Variants in LPP observed in about 807,000 individuals in gnomAD.
The protein encoded by LPP is lipoma-preferred partner.
LPP carries 38 observed loss-of-function variants against 60.4 expected under a neutral mutation model. That is an observed-to-expected ratio of 0.63 (90% CI 0.49 to 0.83). The LOEUF (loss-of-function observed/expected upper bound fraction) is 0.83, where lower values mean the gene tolerates loss of function less well. Ranked by LOEUF, LPP falls within the 40% of genes least tolerant of loss-of-function variation. The probability of loss-of-function intolerance (pLI) is 0.00; values close to 1 mark genes in which losing one functional copy is unlikely to be tolerated. For synonymous variants in LPP, 328 were observed against 290.8 expected (o/e 1.13, Z -1.30); for missense variants, 902 against 783.6 (o/e 1.15, Z -1.80).
chr3:188,367,677 GA>G (rs1200508381), intron 3 of LPP, among the ~76,000 whole-genome samples: 2 of 152,152 alleles, frequency 1.3e-5, no homozygotes, highest in African/African-American at 4.8e-5. Context: ...TGTGCTCCAT[GA>G]AATACTAGAT....
chr3:188,206,489 A>G (rs1733258506), intron 1 of LPP, among the ~76,000 whole-genome samples: 1 of 152,212 alleles, frequency 6.6e-6, no homozygotes, highest in African/African-American at 2.4e-5. Context: ...ATAACTCTTG[A>G]GTGTTCACTG....
intron 1 of LPP, among the ~76,000 whole-genome samples, chr3:188,199,860 G>A (rs1278009021): frequency 6.6e-6 from 1 of 151,290 alleles, no homozygotes; most frequent in Non-Finnish European, 1.5e-5. Context: ...GACTATAGGT[G>A]CACACCACCA....
At position 188,455,145 on chromosome 3, in the gene LPP, T is replaced by C. The variant is rs180955583; in HGVS notation, c.194-29447T>C. ...AGTTTAATAGATAACACAGGTGCTA[T>C]TTTGTCAAGTTGCATGGTTTCTGGA... On this transcript the variant is annotated intron_variant, in intron 4 of 11. Coordinates refer to ENST00000617246, the MANE Select transcript of LPP (RefSeq NM_001375462.1). 2.1e-3 allele frequency among the ~76,000 whole-genome samples: 315 copies of C among 152,302 alleles called. 4 individuals are homozygous for C. Among genetic ancestry groups the C allele is most frequent in the Middle Eastern group, 0.014 (4 of 294 alleles).
At chr3:188,358,200 T>C (rs898052875) in intron 3 of LPP, among the ~76,000 whole-genome samples, 2 of 152,204 alleles carry the variant, frequency 1.3e-5, no homozygotes, top group Non-Finnish European at 2.9e-5. Context: ...TCCAGAGATG[T>C]TACATAATTT....
chr3:188,800,153 T>A (rs1246994638), intron 9 of LPP, among the ~76,000 whole-genome samples: 1 of 147,552 alleles, frequency 6.8e-6, no homozygotes, highest in Non-Finnish European at 1.5e-5. Context: ...ATTTCTCTAC[T>A]GATTAGTATT....
chr3:188,508,909 T>C (rs1180249057), intron 5 of LPP, among the ~76,000 whole-genome samples: 2 of 152,204 alleles, frequency 1.3e-5, no homozygotes, highest in South Asian at 2.1e-4. Context: ...AAATTTAGCA[T>C]GGACAAGAAT....
At chr3:188,263,511 C>G (rs535652084) in intron 2 of LPP, among the ~76,000 whole-genome samples, 1 of 152,160 alleles carries the variant, frequency 6.6e-6, no homozygotes, top group African/African-American at 2.4e-5. Context: ...TGTGGAGATA[C>G]AGTAAGGTAG....
At chr3:188,615,572 A>G (rs1249828068) in intron 7 of LPP, among the ~76,000 whole-genome samples, 2 of 152,198 alleles carry the variant, frequency 1.3e-5, no homozygotes, top group Non-Finnish European at 2.9e-5. Context: ...TTAGTTATTT[A>G]GCAGAGGTTT....
intron 9 of LPP, among the ~76,000 whole-genome samples, chr3:188,793,671 G>A (rs1181305376): frequency 1.3e-5 from 2 of 152,142 alleles, no homozygotes; most frequent in East Asian, 3.9e-4. Flanking sequence ...TCTTCTCTCT[G>A]TATGGGTAAA....
chr3:188,600,392 T>C (rs1840893534), intron 6 of LPP, among the ~76,000 whole-genome samples: 1 of 151,284 alleles, frequency 6.6e-6, no homozygotes, highest in Admixed American at 6.6e-5. Flanking sequence ...ATGTTATCAG[T>C]TGGGAATAGA....
intron 9 of LPP, among the ~76,000 whole-genome samples, chr3:188,798,178 A>G (rs145817127): frequency 2.1e-3 from 322 of 152,344 alleles, no homozygotes; most frequent in African/African-American, 7.0e-3. Context: ...TACTTACAGT[A>G]GTGCATTTCA....
chr3:188,687,029 G>A (rs1577028313), intron 7 of LPP, among the ~76,000 whole-genome samples: 1 of 152,242 alleles, frequency 6.6e-6, no homozygotes, highest in East Asian at 1.9e-4. Flanking sequence ...GGGCTTCAAT[G>A]TCAGGCTGTC....
At chr3:188,377,757 G>A (rs1011121924) in intron 3 of LPP, among the ~76,000 whole-genome samples, 2 of 152,274 alleles carry the variant, frequency 1.3e-5, no homozygotes, top group South Asian at 4.1e-4. Context: ...GAGGAGCTGT[G>A]TTCCTTTGGA....
intron 3 of LPP, among the ~76,000 whole-genome samples, chr3:188,346,601 G>C (rs144962584): frequency 2.0e-5 from 3 of 152,074 alleles, no homozygotes; most frequent in African/African-American, 7.2e-5. Flanking sequence ...GTGTATGTGC[G>C]TGCACACGTG....
At chr3:188,391,581 G>C (rs988964270) in intron 3 of LPP, among the ~76,000 whole-genome samples, 2 of 152,046 alleles carry the variant, frequency 1.3e-5, no homozygotes, top group Non-Finnish European at 2.9e-5. Context: ...TAATTAGATG[G>C]ACTGCATGGA....
chr3:188,861,646 G>T (rs1765224867), intron 9 of LPP, among the ~76,000 whole-genome samples: 1 of 151,948 alleles, frequency 6.6e-6, no homozygotes, highest in Admixed American at 6.6e-5. Flanking sequence ...TGATTCTTCA[G>T]CTCTTCTGCC....
chr3:188,582,614 A>G (rs1836513107), intron 6 of LPP, among the ~76,000 whole-genome samples: 1 of 152,182 alleles, frequency 6.6e-6, no homozygotes, highest in Non-Finnish European at 1.5e-5. Context: ...ACAATATGAT[A>G]TAAATTTGTT....
Position 188,179,554 on chromosome 3 carries a change from T to G in LPP, c.-190+25302T>G, listed in dbSNP as rs186012592. The G allele has an allele frequency of 8.8e-6, 4 of 454,986 alleles. No homozygotes were observed. In the East Asian group the frequency reaches 2.8e-4, roughly 32 times the overall value. 28.2% of individuals were successfully genotyped at this position (454,986 alleles called of 1,614,324 possible). A position where few individuals can be genotyped will look rare whatever the true frequency, so the allele number is the denominator to read the frequency against. Reference sequence around the variant, plus strand: ...TTCCTCTCGTGCTCTCATATTTCCATTTAAAGCCCTCTCGAGAGGTCTGTC... The same window carrying G: ...TTCCTCTCGTGCTCTCATATTTCCAGTTAAAGCCCTCTCGAGAGGTCTGTC... On this transcript the variant is annotated intron_variant, in intron 1 of 11. Transcript: ENST00000617246.
intron 2 of LPP, among the ~76,000 whole-genome samples, chr3:188,256,639 C>A (rs1378450704): frequency 6.6e-6 from 1 of 152,034 alleles, no homozygotes; most frequent in African/African-American, 2.4e-5. Context: ...ATCAGGAAAA[C>A]CTCCCAAATT....
Sources: allele counts gnomAD v4.1 joint callset (sites outside exome capture counted in the v4.1 genomes callset), GRCh38; gene constraint gnomAD v4.1.1; transcripts MANE v1.5; gene names NCBI Gene and HGNC (gene_info 2026-07-23, HGNC 2026-07-21).